Variants in TUSC3 observed in about 807,000 individuals in gnomAD.
The protein encoded by TUSC3 is tumor suppressor candidate 3.
In TUSC3, 45 loss-of-function variants were observed where a neutral mutation model predicts 44.8. That is an observed-to-expected ratio of 1.00 (90% CI 0.79 to 1.29). TUSC3 has a LOEUF of 1.29. TUSC3 is among the 50% of genes most tolerant of loss of function. TUSC3 has a pLI of 0.00. For missense variants in TUSC3, 519 were observed against 437.9 expected (o/e 1.19, Z -1.65); for synonymous variants, 212 against 152.9 (o/e 1.39, Z -2.85).
chr8:15,722,273 A>G lies in TUSC3; in HGVS notation c.799-8393A>G, dbSNP rs1323471185. 2.7e-5 allele frequency among the ~76,000 whole-genome samples: 4 copies of G among 149,416 alleles called. No individual in the cohort carries two copies. The East Asian group carries it at 7.8e-4, about 29-fold the overall frequency. On this transcript the variant is annotated intron_variant, in intron 6 of 10. Transcript: ENST00000503731. ...TCTTTTTTTTTTTTTTCCTTTACCTACAACACCTAGACTACCAGTCTTATT... is the reference window on the plus strand; with the variant it reads ...TCTTTTTTTTTTTTTTCCTTTACCTGCAACACCTAGACTACCAGTCTTATT...
downstream of TUSC3, among the ~76,000 whole-genome samples, chr8:15,770,838 C>A (rs1812429611): frequency 6.6e-6 from 1 of 151,978 alleles, no homozygotes. Flanking sequence ...GAGGAAAGGA[C>A]AGAAAAGAGT....
intron 1 of TUSC3, among the ~76,000 whole-genome samples, chr8:15,566,943 G>GT (rs1462869355): frequency 6.6e-6 from 1 of 152,102 alleles, no homozygotes; most frequent in Non-Finnish European, 1.5e-5. Flanking sequence ...CTTACAGGTT[G>GT]TAACATGAGT....
At chr8:15,599,720 A>G (rs868092567) in intron 1 of TUSC3, among the ~76,000 whole-genome samples, 31 of 141,086 alleles carry the variant, frequency 2.2e-4, no homozygotes, top group Middle Eastern at 4.1e-3. Flanking sequence ...TTTTTTTGTC[A>G]AAGATCAGTT....
At chr8:15,503,998 A>G (rs908453274) in intron 2 of TUSC3, among the ~76,000 whole-genome samples, 12 of 140,572 alleles carry the variant, frequency 8.5e-5, no homozygotes, top group South Asian at 2.4e-4. Flanking sequence ...TGGGCAACAG[A>G]GTGAGACTCT....
At chr8:15,746,116 C>T (rs950211726) in intron 8 of TUSC3, among the ~76,000 whole-genome samples, 6 of 151,936 alleles carry the variant, frequency 3.9e-5, no homozygotes, top group Non-Finnish European at 8.8e-5. Context: ...TTCCATTGGT[C>T]TGTGTGGAGG....
intron 10 of TUSC3, among the ~76,000 whole-genome samples, chr8:15,759,923 T>G (rs1453650970): frequency 1.3e-5 from 2 of 152,110 alleles, no homozygotes; most frequent in African/African-American, 4.8e-5. Flanking sequence ...TTGAAGTCAT[T>G]TTGTCCTCAT....
intron 6 of TUSC3, among the ~76,000 whole-genome samples, chr8:15,720,606 C>G (rs768767816): frequency 6.6e-6 from 1 of 152,102 alleles, no homozygotes; most frequent in Non-Finnish European, 1.5e-5. Flanking sequence ...TCCAGATTTG[C>G]TCATCAGAAT....
intron 9 of TUSC3, among the ~76,000 whole-genome samples, chr8:15,750,841 A>C (rs1323822558): frequency 6.6e-6 from 1 of 152,054 alleles, no homozygotes; most frequent in Non-Finnish European, 1.5e-5. Context: ...TAATGCTAGA[A>C]ATATAGATGA....
chr8:15,752,934 A>C (rs556269696), intron 9 of TUSC3, among the ~76,000 whole-genome samples: 1 of 152,190 alleles, frequency 6.6e-6, no homozygotes, highest in East Asian at 1.9e-4. Context: ...TACTCAAGGA[A>C]AAACTTCCTT....
intron 1 of TUSC3, among the ~76,000 whole-genome samples, chr8:15,442,725 G>A (rs941955916): frequency 6.6e-6 from 1 of 152,038 alleles, no homozygotes; most frequent in African/African-American, 2.4e-5. Context: ...TCATCCTGAT[G>A]AAAGAATATA....
intron 1 of TUSC3, among the ~76,000 whole-genome samples, chr8:15,617,473 A>G (rs1325418384): frequency 6.6e-6 from 1 of 151,978 alleles, no homozygotes; most frequent in East Asian, 1.9e-4. Context: ...ATTAATATGG[A>G]TGCCTCCAAC....
the TUSC3 span, among the ~76,000 whole-genome samples, chr8:15,833,409 A>G: frequency 1.3e-5 from 2 of 152,286 alleles, no homozygotes; most frequent in South Asian, 2.1e-4. Context: ...ACATACACAC[A>G]TACGTTTATT....
intron 6 of TUSC3, among the ~76,000 whole-genome samples, chr8:15,685,850 GTTC>G (rs1335070641): frequency 7.0e-6 from 1 of 142,616 alleles, no homozygotes; most frequent in Non-Finnish European, 1.6e-5. Flanking sequence ...TATTCATTTA[GTTC>G]TTAGGTTTTT....
intron 2 of TUSC3, among the ~76,000 whole-genome samples, chr8:15,490,057 G>T (rs1254792449): frequency 6.6e-6 from 1 of 152,122 alleles, no homozygotes; most frequent in East Asian, 1.9e-4. Context: ...CAAGAACATG[G>T]TGTCCTTAAG....
chr8:15,585,106 T>C (rs1390149253), intron 1 of TUSC3, among the ~76,000 whole-genome samples: 2 of 152,144 alleles, frequency 1.3e-5, no homozygotes, highest in Non-Finnish European at 2.9e-5. Context: ...GAAAGGCTAC[T>C]GCTACTATGT....
intron 1 of TUSC3, among the ~76,000 whole-genome samples, chr8:15,461,403 G>A (rs1007812269): frequency 8.5e-5 from 13 of 152,058 alleles, no homozygotes; most frequent in Non-Finnish European, 1.8e-4. Flanking sequence ...AAACTTTACT[G>A]AATTCTTTTA....
intron 1 of TUSC3, among the ~76,000 whole-genome samples, chr8:15,454,919 A>G (rs1800236598): frequency 6.6e-6 from 1 of 152,146 alleles, no homozygotes; most frequent in South Asian, 2.1e-4. Context: ...AAAATTTTAT[A>G]ATACATATCT....
At position 15,423,969 on chromosome 8, in the gene TUSC3, G is replaced by GTTTTTGTTTTGTTTTTTTTTTTT. The variant is rs1563247134; in HGVS notation, n.91+6669_91+6670insGTTTTGTTTTTTTTTTTTTTTTT. Among the ~76,000 whole-genome samples, 5 of 70,362 alleles carry GTTTTTGTTTTGTTTTTTTTTTTT rather than the reference G, an allele frequency of 7.1e-5. 1 individual carries two copies. The highest frequency in any genetic ancestry group is 2.1e-4 in the Admixed American group (1 of 4,826). The allele number at this position is 70,362 out of a possible 152,430, so 46.2% of individuals were successfully genotyped here. ...TACAGCATTCATACTGTTTTGCTTT[G>GTTTTTGTTTTGTTTTTTTTTTTT]TTTTTTTTTTTTTTTTTTTTTTTTT... On this transcript the variant is annotated intron_variant and non_coding_transcript_variant, in intron 1 of 5. Coordinates refer to the TUSC3 transcript ENST00000503191.
chr8:15,779,117 TTC>T, the TUSC3 span, among the ~76,000 whole-genome samples: 8,234 of 65,470 alleles, frequency 0.13, 349 homozygotes, highest in African/African-American at 0.3. Flanking sequence ...TTTTTTTTTT[TTC>T]CACGTTACTT....
Sources: gnomAD v4.1 joint callset for allele counts (sites outside exome capture counted in the v4.1 genomes callset) on GRCh38, gnomAD v4.1.1 for gene constraint, MANE v1.5 for transcripts, NCBI Gene and HGNC (gene_info 2026-07-23, HGNC 2026-07-21) for gene names.